Variants in USP9X observed in about 807,000 individuals in gnomAD.
The protein encoded by USP9X is ubiquitin carboxyl-terminal hydrolase 9X.
USP9X carries 7 observed loss-of-function variants against 190.3 expected under a neutral mutation model. The ratio of observed to expected loss-of-function variants is 0.04; its 90% CI spans 0.02 to 0.07. The LOEUF is 0.07. USP9X is among the 10% of genes least tolerant of loss of function. The pLI, the probability that USP9X is intolerant of heterozygous loss-of-function variation, is 1.00. For missense variants in USP9X, 1,010 were observed against 1,916.9 expected (o/e 0.53, Z 8.83); for synonymous variants, 645 against 659.5 (o/e 0.98, Z 0.34).
At chrX:41,199,547 C>G (rs1371714861) in intron 30 of USP9X, among the ~76,000 whole-genome samples, 2 of 111,116 alleles carry the variant, frequency 1.8e-5, no homozygotes, top group African/African-American at 6.5e-5. Flanking sequence ...GGCTTACAGG[C>G]GCCTGCCACC....
rs190036243 is a variant in USP9X at position 41,164,827 on chromosome X, G to A, written c.1986-1045G>A. ...AAGTCTGTGCTCTTCCTATTAGACC[G>A]GTAGTTTTTCAAACTTACGTAGGAG... On this transcript the variant is annotated intron_variant, in intron 15 of 44. Transcript: ENST00000378308. 2.5e-3 allele frequency among the ~76,000 whole-genome samples: 274 copies of A among 111,742 alleles called. 1 individual carries two copies. Among genetic ancestry groups the A allele is most frequent in the African/African-American group, 8.4e-3 (259 of 30,774 alleles).
In USP9X at chrX:41,217,309, A is replaced by G; in HGVS notation, c.6175A>G (p.Thr2059Ala). ...GTTCCTCTTTACTACAGGATTTCACACAAAGAAAGTAGTCCGTGGCTCTGC... is the reference window on the plus strand; with the variant it reads ...GTTCCTCTTTACTACAGGATTTCACGCAAAGAAAGTAGTCCGTGGCTCTGC... ...ARFLFTTGFHTKKVVRGSASD... is the reference protein window; with the variant it reads ...ARFLFTTGFHAKKVVRGSASD... Residue 2059 changes from threonine (T) to alanine (A), a missense_variant, in exon 36 of 45, where the codon ACA becomes GCA. Thr to Ala is a moderately conservative substitution (Grantham distance 58). Transcript: ENST00000378308. 8.3e-7 allele frequency: 1 copy of G among 1,210,687 alleles called. No individual in the cohort carries two copies. Among genetic ancestry groups the G allele is most frequent in the Non-Finnish European group, 1.1e-6 (1 of 894,861 alleles).
At position 41,141,067 on chromosome X, in the gene USP9X, A is replaced by T. The variant is rs1018925863; in HGVS notation, c.872A>T (p.Asp291Val). The change falls in exon 8 of 45, where the codon GAT (aspartate) becomes GTT (valine). Residue 291 changes from aspartate (D) to valine (V), a missense_variant. Coordinates refer to ENST00000378308, the MANE Select transcript of USP9X (RefSeq NM_001039591.3). Reference protein sequence around the residue: ...MVPQFLENLTDEELKKEAKNE... With the variant: ...MVPQFLENLTVEELKKEAKNE... ...CCACAGTTTTTAGAAAACTTAACTG[A>T]TGAAGAACTGAAAAAAGAAGCAAAG... 4.1e-6 allele frequency: 5 copies of T among 1,207,602 alleles called. No homozygotes were observed. The highest frequency in any genetic ancestry group is 5.6e-6 in the Non-Finnish European group (5 of 893,407).
At chrX:41,197,896 C>T (rs1049287915) in intron 29 of USP9X, among the ~76,000 whole-genome samples, 1 of 110,531 alleles carries the variant, frequency 9.0e-6, no homozygotes, top group African/African-American at 3.3e-5. Flanking sequence ...ACCCATGGTC[C>T]CCAGCTACTT....
chrX:41,195,125 C>T (rs1232400594), intron 26 of USP9X, among the ~76,000 whole-genome samples: 1 of 109,710 alleles, frequency 9.1e-6, no homozygotes, highest in East Asian at 2.9e-4. Flanking sequence ...CAACCTCCGC[C>T]TTCCGGGTTC....
intron 1 of USP9X, among the ~76,000 whole-genome samples, chrX:41,100,122 C>T (rs1171128537): frequency 2.7e-5 from 3 of 111,477 alleles, no homozygotes; most frequent in Non-Finnish European, 5.7e-5. Context: ...TGTTTTTTTC[C>T]TTGGTGCTCA....
chrX:41,136,788 C>T lies in USP9X; in HGVS notation c.436-16C>T. ...TGTTTTGATCTTGTAAATCGCCTTT[C>T]CCCCTTGTATAACAGAGGTGTATTA... On this transcript the variant is annotated splice_polypyrimidine_tract_variant and intron_variant, in intron 5 of 44. Transcript: ENST00000378308. The T allele has an allele frequency of 2.6e-6, 3 of 1,170,443 alleles. No individual in the cohort carries two copies. Among genetic ancestry groups the T allele is most frequent in the Non-Finnish European group, 3.5e-6 (3 of 860,631 alleles).
chrX:41,217,236 G>A lies in USP9X; in HGVS notation c.6102G>A (p.Leu2034=). The change falls in exon 36 of 45, where the codon TTG becomes TTA. Residue 2034 remains leucine, a synonymous_variant. Transcript: ENST00000378308. ...TATTTATAGGGCAAGATCACCTGTT[G>A]CCTGAAGCAGAAGAAATCACTATGA... ...LNPPPGQDHL[L]PEAEEITMIS... 8.3e-7 allele frequency: 1 copy of A among 1,206,766 alleles called. No individual in the cohort carries two copies. Among genetic ancestry groups the A allele is most frequent in the Non-Finnish European group, 1.1e-6 (1 of 893,658 alleles).
intron 1 of USP9X, among the ~76,000 whole-genome samples, chrX:41,116,608 A>G (rs1308909526): frequency 8.9e-6 from 1 of 112,437 alleles, no homozygotes; most frequent in Non-Finnish European, 1.9e-5. Flanking sequence ...CTCCCACTCA[A>G]ACCTTTCCAA....
chrX:41,167,316 T>C, intron 16 of USP9X, 166 bp from the exon 17 acceptor site: 1 of 352,293 alleles, frequency 2.8e-6, no homozygotes, highest in Admixed American at 5.7e-5. Context: ...TATTACCCTT[T>C]CTTTTGGTCT....
At chrX:41,208,853 G>A (rs1012820105) in intron 32 of USP9X, among the ~76,000 whole-genome samples, 7 of 109,957 alleles carry the variant, frequency 6.4e-5, no homozygotes, top group Admixed American at 9.7e-5. Flanking sequence ...GACTACAGGC[G>A]CCTGCCACCA....
intron 28 of USP9X, 23 bp from the exon 29 acceptor site, chrX:41,197,341 A>AGGGCGG: frequency 3.5e-6 from 1 of 288,799 alleles, no homozygotes; most frequent in Non-Finnish European, 5.1e-6. Flanking sequence ...TCCCCCCCCC[A>AGGGCGG]CCCCACCCCC....
chrX:41,115,222 AAAAAAAAAAAAAAGAAAAAG>A (rs1339921296), intron 1 of USP9X, among the ~76,000 whole-genome samples: 1,548 of 73,424 alleles, frequency 0.021, 32 homozygotes, highest in African/African-American at 0.061. Context: ...CTCCGTCTCC[AAAAAAAAAAAAAAGAAAAAG>A]AAAAAAAAAA....
chrX:41,198,746 A>T lies in USP9X; in HGVS notation c.4599A>T (p.Ile1533=), dbSNP rs1162500176. 3 of 1,181,926 alleles carry T rather than the reference A, an allele frequency of 2.5e-6. No homozygotes were observed. Among genetic ancestry groups the T allele is most frequent in the Non-Finnish European group, 3.4e-6 (3 of 872,919 alleles). The change falls in exon 30 of 45, where the codon ATA becomes ATT. Residue 1533 remains isoleucine (I), a synonymous_variant. Transcript: ENST00000378308. ...AAATGTATTACATTGGCACAGCAAT[A>T]ACTAGTAAGTATTTTTAATAGAATG... ...LTEMYYIGTA[I]TTCEALTEWE...
chrX:41,220,096 A>G (rs549491151), intron 38 of USP9X, among the ~76,000 whole-genome samples: 1 of 112,045 alleles, frequency 8.9e-6, no homozygotes, highest in Middle Eastern at 4.6e-3. Context: ...CATTGGATCC[A>G]TGGCCCTTTT....
At position 41,168,380 on chromosome X, in the gene USP9X, C is replaced by T. The variant is rs2062695793; in HGVS notation, c.2636+162C>T. The T allele has an allele frequency of 9.5e-6, 4 of 420,894 alleles. No homozygotes were observed. The East Asian group carries it at 1.7e-4, about 18-fold the overall frequency. The allele number at this position is 420,894 out of a possible 1,213,427, so 34.7% of individuals were successfully genotyped here. On this transcript the variant is annotated intron_variant, in intron 18 of 44. Transcript: ENST00000378308. ...TAATTTTTTTTAATAACCTCCCCCA[C>T]TCTCCCATCTGGTTTTGTTTTGGTT...
chrX:41,205,695 C>A, intron 32 of USP9X, among the ~76,000 whole-genome samples: 1 of 104,063 alleles, frequency 9.6e-6, no homozygotes, highest in Non-Finnish European at 1.9e-5. Flanking sequence ...TAAGTAAGGG[C>A]AACATCCTTT....
intron 14 of USP9X, among the ~76,000 whole-genome samples, chrX:41,158,766 C>T (rs924182458): frequency 1.8e-5 from 2 of 111,499 alleles, no homozygotes; most frequent in Admixed American, 9.5e-5. Context: ...TGTGCAGCCC[C>T]GTTTCTAACA....
At chrX:41,134,866 C>G in intron 5 of USP9X, 29 bp downstream of exon 5, 1 of 1,094,517 alleles carries the variant, frequency 9.1e-7, no homozygotes, top group Non-Finnish European at 1.3e-6. Flanking sequence ...TTTAAAGGAT[C>G]AGATTTACAT....
Sources: allele counts gnomAD v4.1 joint callset (sites outside exome capture counted in the v4.1 genomes callset), GRCh38; gene constraint gnomAD v4.1.1; transcripts MANE v1.5; gene names NCBI Gene and HGNC (gene_info 2026-07-23, HGNC 2026-07-21).